The following TOPBP1 variants were observed in gnomAD, a reference collection of about 807,000 sequenced individuals.
TOPBP1 encodes DNA topoisomerase 2-binding protein 1.
Under a neutral mutation model 167.7 loss-of-function variants are expected in TOPBP1, and 28 were observed. The observed-to-expected ratio is 0.17, with a 90% CI of 0.12 to 0.23. The LOEUF (loss-of-function observed/expected upper bound fraction) is 0.23, where lower values mean the gene tolerates loss of function less well. Ranked by LOEUF, TOPBP1 falls within the 10% of genes least tolerant of loss-of-function variation. TOPBP1 has a pLI of 1.00. For synonymous variants in TOPBP1, 598 were observed against 611.4 expected (o/e 0.98, Z 0.32); for missense variants, 1,554 against 1,809.6 (o/e 0.86, Z 2.56).
chr3:133,623,608 T>G (rs1935171636), intron 17 of TOPBP1, among the ~76,000 whole-genome samples, 151 bp from the exon 18 acceptor site: 1 of 152,252 alleles, frequency 6.6e-6, no homozygotes, highest in African/African-American at 2.4e-5. Context: ...CTGAAAAATT[T>G]GCATCATACA....
intron 27 of TOPBP1, among the ~76,000 whole-genome samples, chr3:133,601,734 C>T (rs530559983): frequency 6.6e-6 from 1 of 152,166 alleles, no homozygotes; most frequent in Non-Finnish European, 1.5e-5. Flanking sequence ...GGTAGCAAAG[C>T]CAAATTTCAT....
intron 8 of TOPBP1, among the ~76,000 whole-genome samples, chr3:133,651,607 G>A (rs953688395): frequency 4.6e-5 from 7 of 152,038 alleles, no homozygotes; most frequent in African/African-American, 7.2e-5. Context: ...CTAAGACAGC[G>A]GAAAAAGTAT....
In TOPBP1 at chr3:133,618,371, C is replaced by T; in HGVS notation, c.3434G>A (p.Trp1145Ter). The change falls in exon 21 of 28, where the codon TGG becomes TAG. Residue 1145 changes from tryptophan (W) to a stop codon, truncating the protein, a stop_gained. Coordinates refer to ENST00000260810, the MANE Select transcript of TOPBP1 (RefSeq NM_007027.4). LOFTEE classifies it high-confidence loss of function. ...CTCCTCCCTTGCTGTAGGGTCATCC[C>T]AAATGATCTGTTCATTTTGGGAAGG... ...TEPSQNEQII[W>*]DDPTAREERA... 1 of 1,613,934 alleles carries T rather than the reference C, an allele frequency of 6.2e-7. No individual in the cohort carries two copies. Among genetic ancestry groups the T allele is most frequent in the Non-Finnish European group, 8.5e-7 (1 of 1,179,854 alleles).
chr3:133,643,436 T>TG, intron 11 of TOPBP1, 64 bp from the exon 12 acceptor site: 3 of 1,392,422 alleles, frequency 2.2e-6, no homozygotes, highest in Non-Finnish European at 2.9e-6. Context: ...TAACACTGGT[T>TG]CAGGTACAGA....
chr3:133,659,208 TATTCAA>T, intron 2 of TOPBP1, 58 bp from the exon 3 acceptor site: 6 of 1,447,446 alleles, frequency 4.1e-6, no homozygotes, highest in Non-Finnish European at 5.5e-6. Flanking sequence ...ATTTAGGTCC[TATTCAA>T]ATTCCATCTC....
Position 133,611,014 on chromosome 3 carries a change from C to T in TOPBP1, c.4163G>A (p.Gly1388Asp). 1 of 1,611,702 alleles carries T rather than the reference C, an allele frequency of 6.2e-7. No homozygotes were observed. Among genetic ancestry groups the T allele is most frequent in the Non-Finnish European group, 8.5e-7 (1 of 1,178,522 alleles). ...RKKIQQRQESGIVEGAFSGWK... is the reference protein window; with the variant it reads ...RKKIQQRQESDIVEGAFSGWK... ...ATTGTGTTTTAATACCTCAACAATG[C>T]CAGATTCTTGTCTTTGCTGGATTTT... Residue 1388 changes from glycine (G) to aspartate (D), a missense_variant, in exon 25 of 28, where the codon GGC (glycine) becomes GAC (aspartate). By Grantham distance (94) the Gly-to-Asp change is moderately conservative (BLOSUM62 -1). This residue lies in a region of TOPBP1 where 351 missense variants were observed against 432.9 expected (regional missense o/e 0.81). Transcript: ENST00000260810.
At chr3:133,609,793 A>G (rs942716005) in intron 25 of TOPBP1, among the ~76,000 whole-genome samples, 4 of 152,172 alleles carry the variant, frequency 2.6e-5, no homozygotes, top group South Asian at 4.1e-4. Context: ...TCTTTCCTTT[A>G]TAAATGACCC....
chr3:133,623,453 G>A lies in TOPBP1; in HGVS notation c.2933C>T (p.Ala978Val), dbSNP rs773560366. The A allele has an allele frequency of 6.8e-6, 11 of 1,609,036 alleles. No individual in the cohort carries two copies. The African/African-American group carries it at 1.2e-4, about 18-fold the overall frequency. Residue 978 changes from alanine to valine, a missense_variant, in exon 18 of 28, where the codon GCC becomes GTC. By Grantham distance (64) the Ala-to-Val change is moderately conservative (BLOSUM62 0). Around this residue, in one of 3 missense-constraint regions of TOPBP1, gnomAD observed 1,197 missense variants for 1,351.5 expected, o/e 0.89. Coordinates refer to ENST00000260810, the MANE Select transcript of TOPBP1 (RefSeq NM_007027.4). ...IVSEHWLLDC[A>V]QECKHLPESL... ...TTCAGGAAGATGTTTACACTCTTGG[G>A]CACACTGCAATACAATGGTGTGCTT...
At chr3:133,640,229 A>G (rs1935851605) in intron 12 of TOPBP1, 59 bp from the exon 13 acceptor site, 2 of 1,439,248 alleles carry the variant, frequency 1.4e-6, no homozygotes, top group Non-Finnish European at 1.9e-6. Flanking sequence ...CCGCAAAACT[A>G]ACAAAATTTC....
chr3:133,642,987 C>T (rs1055747716), intron 12 of TOPBP1, among the ~76,000 whole-genome samples: 6 of 151,758 alleles, frequency 4.0e-5, no homozygotes, highest in African/African-American at 1.5e-4. Flanking sequence ...GTTATTACCT[C>T]TAATGATACC....
At chr3:133,628,273 A>C in intron 16 of TOPBP1, 89 bp downstream of exon 16, 1 of 1,200,636 alleles carries the variant, frequency 8.3e-7, no homozygotes, top group Non-Finnish European at 1.2e-6. Context: ...AAACAAAATA[A>C]ATGTATTCTT....
intron 7 of TOPBP1, among the ~76,000 whole-genome samples, chr3:133,653,029 A>G (rs1936354927): frequency 6.6e-6 from 1 of 152,240 alleles, no homozygotes. Flanking sequence ...AATTAAGGAA[A>G]GATTAATATA....
chr3:133,660,151 G>C (rs935992648), intron 2 of TOPBP1, among the ~76,000 whole-genome samples: 5 of 152,150 alleles, frequency 3.3e-5, no homozygotes, highest in African/African-American at 1.2e-4. Flanking sequence ...TTCTTCTCCA[G>C]ATATCTGCAA....
intron 14 of TOPBP1, among the ~76,000 whole-genome samples, chr3:133,629,642 T>A (rs1935396757): frequency 6.6e-6 from 1 of 152,202 alleles, no homozygotes; most frequent in Non-Finnish European, 1.5e-5. Context: ...AGTGTGTGTG[T>A]TTTCCAAACG....
At chr3:133,646,593 G>C (rs1936084012) in intron 10 of TOPBP1, among the ~76,000 whole-genome samples, 1 of 151,276 alleles carries the variant, frequency 6.6e-6, no homozygotes, top group Non-Finnish European at 1.5e-5. Context: ...GGAGGTTGCA[G>C]TGATCCAAGC....
Position 133,623,323 on chromosome 3 carries a change from T to A in TOPBP1, c.3063A>T (p.Thr1021=). ...NSRLLSAVSS[T]KDDEPDPLIL... ...CCATATCTCCTACCTCATCATCCTT[T>A]GTTGAAGACACAGCTGAGAGTAGTC... The change falls in exon 18 of 28, where the codon ACA becomes ACT. Residue 1021 remains threonine, a synonymous_variant. Coordinates refer to ENST00000260810, the MANE Select transcript of TOPBP1 (RefSeq NM_007027.4). 2 of 1,613,718 alleles carry A rather than the reference T, an allele frequency of 1.2e-6. No homozygotes were observed. Among genetic ancestry groups the A allele is most frequent in the Non-Finnish European group, 1.7e-6 (2 of 1,179,776 alleles).
intron 12 of TOPBP1, among the ~76,000 whole-genome samples, chr3:133,641,379 T>C (rs1935885794): frequency 6.6e-6 from 1 of 152,166 alleles, no homozygotes; most frequent in African/African-American, 2.4e-5. Context: ...GTTTGTTTGT[T>C]TTCTGAGACA....
chr3:133,656,699 T>C lies in TOPBP1; in HGVS notation c.522A>G (p.Thr174=), dbSNP rs770526635. The part of the protein sequence containing the change: ...KPILLPSWIK[T]LWEKSQEKKI... ...ACTTCTCTTGTGACTTCTCCCAAAG[T>C]GTTTTTATCCAAGAGGGAAGCAAAA... is the stretch of plus-strand genomic sequence containing the variant. Residue 174 remains threonine, a synonymous_variant, in exon 5 of 28, where the codon ACA becomes ACG. Coordinates refer to ENST00000260810, the MANE Select transcript of TOPBP1 (RefSeq NM_007027.4). The C allele has an allele frequency of 8.1e-6, 13 of 1,603,814 alleles. No homozygotes were observed. The highest frequency in any genetic ancestry group is 3.3e-4 in the Middle Eastern group (2 of 6,038).
chr3:133,647,392 T>TAC (rs1260613771), intron 10 of TOPBP1, among the ~76,000 whole-genome samples: 1 of 152,198 alleles, frequency 6.6e-6, no homozygotes, highest in Admixed American at 6.5e-5. Context: ...AACAAACCCC[T>TAC]ACCCCAAGTT....
Sources: allele counts gnomAD v4.1 joint callset (sites outside exome capture counted in the v4.1 genomes callset), GRCh38; gene constraint gnomAD v4.1.1; regional missense constraint gnomAD v4.1.1; transcripts MANE v1.5; gene names NCBI Gene and HGNC (gene_info 2026-07-23, HGNC 2026-07-21).